Variants in TENM2 observed in about 807,000 individuals in gnomAD.
TENM2 encodes teneurin transmembrane protein 2, also known as teneurin-2.
A neutral mutation model predicts 245.2 loss-of-function variants in TENM2; 52 were observed. The ratio of observed to expected loss-of-function variants is 0.21; its 90% CI spans 0.17 to 0.27. The LOEUF (loss-of-function observed/expected upper bound fraction) is 0.27, where lower values mean the gene tolerates loss of function less well. Ranked by LOEUF, TENM2 falls within the 10% of genes least tolerant of loss-of-function variation. TENM2 has a pLI of 1.00. For synonymous variants in TENM2, 1,363 were observed against 1,438.9 expected, an observed-to-expected ratio of 0.95 and a Z score of 1.19; for missense variants, 3,046 against 3,666.8, an observed-to-expected ratio of 0.83 and a Z score of 4.37.
At chr5:168,177,597 G>T (rs183315961) in intron 13 of TENM2, among the ~76,000 whole-genome samples, 12 of 152,336 alleles carry the variant, frequency 7.9e-5, no homozygotes, top group Admixed American at 7.8e-4. Context: ...AGCACTTTGG[G>T]AGGCTGAGGC....
At chr5:167,169,650 T>C in the TENM2 span, among the ~76,000 whole-genome samples, 2 of 152,354 alleles carry the variant, frequency 1.3e-5, no homozygotes, top group Admixed American at 1.3e-4. Flanking sequence ...TCTGTGCTCA[T>C]TGAAATTCCA....
chr5:167,876,735 G>C (rs1274520432), intron 3 of TENM2, among the ~76,000 whole-genome samples: 1 of 152,066 alleles, frequency 6.6e-6, no homozygotes, highest in African/African-American at 2.4e-5. Context: ...AGTGTTTGGG[G>C]GGTGACCTCT....
chr5:167,966,385 A>G (rs1197287350), intron 4 of TENM2, among the ~76,000 whole-genome samples: 1 of 152,182 alleles, frequency 6.6e-6, no homozygotes, highest in Non-Finnish European at 1.5e-5. Flanking sequence ...GCATCCCTTG[A>G]ATATCATCCT....
intron 1 of TENM2, among the ~76,000 whole-genome samples, chr5:167,360,028 G>C (rs545804403): frequency 2.0e-5 from 3 of 152,290 alleles, no homozygotes; most frequent in South Asian, 2.1e-4. Context: ...TCAGGGTGGA[G>C]AGTGGGAGGA....
chr5:167,431,477 A>T (rs529341335), intron 2 of TENM2, among the ~76,000 whole-genome samples: 1 of 152,196 alleles, frequency 6.6e-6, no homozygotes, highest in Non-Finnish European at 1.5e-5. Flanking sequence ...TTTAAAAATG[A>T]GAGTACTTCT....
chr5:167,066,178 G>T, the TENM2 span, among the ~76,000 whole-genome samples: 3 of 152,022 alleles, frequency 2.0e-5, no homozygotes, highest in Non-Finnish European at 4.4e-5. Flanking sequence ...ATAATTGAGA[G>T]GATCAGATCA....
chr5:167,828,100 T>C (rs1426503176), intron 2 of TENM2, among the ~76,000 whole-genome samples: 2 of 152,216 alleles, frequency 1.3e-5, no homozygotes, highest in Non-Finnish European at 2.9e-5. Context: ...AGACAAATGT[T>C]AAATACTATC....
chr5:168,220,885 G>A (rs1763612011), intron 23 of TENM2, among the ~76,000 whole-genome samples: 1 of 152,180 alleles, frequency 6.6e-6, no homozygotes, highest in South Asian at 2.1e-4. Context: ...GCTAAGGCAG[G>A]AGGATCACTG....
At chr5:168,005,853 G>A (rs1218871723) in intron 5 of TENM2, among the ~76,000 whole-genome samples, 1 of 152,160 alleles carries the variant, frequency 6.6e-6, no homozygotes, top group African/African-American at 2.4e-5. Flanking sequence ...AGAGGGGAAA[G>A]TAAGTACCAT....
chr5:167,663,614 G>C (rs558327526), intron 2 of TENM2, among the ~76,000 whole-genome samples: 4 of 151,892 alleles, frequency 2.6e-5, no homozygotes, highest in East Asian at 1.9e-4. Flanking sequence ...TCAGATTACT[G>C]TCCCATCTTC....
At chr5:168,230,765 C>G (rs1764806210) in intron 25 of TENM2, 1 of 152,182 alleles carries the variant, frequency 6.6e-6, no homozygotes, top group Non-Finnish European at 1.5e-5. Flanking sequence ...CAAGGAGACT[C>G]TAGAGAGATA....
At chr5:167,582,770 T>A (rs1331373544) in intron 2 of TENM2, among the ~76,000 whole-genome samples, 4 of 152,200 alleles carry the variant, frequency 2.6e-5, no homozygotes, top group African/African-American at 7.2e-5. Flanking sequence ...GATTTTTTTT[T>A]AAATGTTACC....
In TENM2 at chr5:168,098,010, T is replaced by C. The variant is rs186629454; in HGVS notation, c.1712-16T>C. ...GACAGAGGAAAAGGTAAACACTACA[T>C]TTATCTCTTTTTCAGATTCAGTGCA... On this transcript the variant is annotated splice_polypyrimidine_tract_variant and intron_variant, in intron 8 of 28. Coordinates refer to ENST00000518659, the Ensembl canonical transcript of TENM2. 8.1e-4 allele frequency: 1,292 copies of C among 1,590,804 alleles called. No homozygotes were observed. The highest frequency in any genetic ancestry group is 1.6e-3 in the Admixed American group (96 of 59,680).
chr5:167,314,019 C>T (rs891527188), intron 1 of TENM2, among the ~76,000 whole-genome samples: 1 of 152,072 alleles, frequency 6.6e-6, no homozygotes, highest in African/African-American at 2.4e-5. Flanking sequence ...TCCCCCACCC[C>T]GATACAAAAG....
chr5:167,005,416 G>C, the TENM2 span, among the ~76,000 whole-genome samples: 3 of 152,086 alleles, frequency 2.0e-5, no homozygotes, highest in Non-Finnish European at 2.9e-5. Flanking sequence ...TAGTAATAAT[G>C]ATAAGATGTT....
At chr5:168,074,470 T>C (rs1230746621) in intron 7 of TENM2, among the ~76,000 whole-genome samples, 4 of 152,166 alleles carry the variant, frequency 2.6e-5, no homozygotes, top group Admixed American at 2.6e-4. Context: ...CCTCCCGTCA[T>C]GCAAAGGGAA....
At chr5:167,976,675 CT>C (rs936297553) in intron 4 of TENM2, among the ~76,000 whole-genome samples, 2 of 152,130 alleles carry the variant, frequency 1.3e-5, no homozygotes, top group Non-Finnish European at 1.5e-5. Flanking sequence ...TTAGCATAAA[CT>C]TTTAAAATGA....
chr5:167,546,202 G>A (rs759384126), intron 2 of TENM2, among the ~76,000 whole-genome samples: 3 of 152,166 alleles, frequency 2.0e-5, no homozygotes, highest in East Asian at 1.9e-4. Context: ...GCCATGCTGC[G>A]TGGACCACCT....
At position 167,382,454 on chromosome 5, in the gene TENM2, A is replaced by C. The variant is rs80134797; in HGVS notation, c.502+6981A>C. On this transcript the variant is annotated intron_variant, in intron 2 of 28. Transcript: ENST00000518659. The stretch of plus-strand genomic sequence containing the variant: ...AAACAAACAGAACAGCGAGTGTTCC[A>C]CAAACCAGGAATGTTCTTCAACCAG... Among the ~76,000 whole-genome samples the C allele has an allele frequency of 1.7e-3, 252 of 152,324 alleles. 5 individuals are homozygous for C. The highest frequency in any genetic ancestry group is 5.7e-3 in the African/African-American group (237 of 41,580).
Sources: allele counts gnomAD v4.1 joint callset (sites outside exome capture counted in the v4.1 genomes callset), GRCh38; gene constraint gnomAD v4.1.1; transcripts MANE v1.5; gene names NCBI Gene and HGNC (gene_info 2026-07-23, HGNC 2026-07-21).